The following SEMA3G variants were observed in gnomAD, a reference collection of about 807,000 sequenced individuals.
SEMA3G encodes the protein semaphorin 3G, also known as semaphorin-3G.
A neutral mutation model predicts 86.2 loss-of-function variants in SEMA3G; 70 were observed. The observed-to-expected ratio is 0.81, with a 90% CI of 0.67 to 0.99. The LOEUF (loss-of-function observed/expected upper bound fraction) is 0.99. Ranked by LOEUF, SEMA3G falls within the 50% of genes least tolerant of loss-of-function variation. The probability of loss-of-function intolerance (pLI) is 0.00; values close to 1 mark genes in which losing one functional copy is unlikely to be tolerated. For missense variants in SEMA3G, 1,002 were observed against 1,072.4 expected (o/e 0.93, Z 0.92); for synonymous variants, 416 against 441.4 (o/e 0.94, Z 0.72).
At chr3:52,440,261 G>C in intron 10 of SEMA3G, 116 bp downstream of exon 10, 2 of 1,245,046 alleles carry the variant, frequency 1.6e-6, no homozygotes, top group Admixed American at 5.4e-5. Flanking sequence ...TGGAGCCCAG[G>C]CTTGGCCAAC....
chr3:52,438,118 CT>C lies in SEMA3G; in HGVS notation c.1590del (p.Glu531SerfsTer97), dbSNP rs768402946. Reference protein sequence around the residue: ...HQCETYGTACAECCLARDPYC... With the variant: ...HQCETYGTACXECCLARDPYC... Reference sequence around the variant, plus strand: ...TATGGGTCCCGGGCCAGGCAGCACTCTGCACAGGCAGTGCCGTAAGTCTCAC... The same window carrying C: ...TATGGGTCCCGGGCCAGGCAGCACTCGCACAGGCAGTGCCGTAAGTCTCAC... On this transcript the variant is annotated frameshift_variant, in exon 14 of 16. Transcript: ENST00000231721. LOFTEE classifies it high-confidence loss of function. The C allele has an allele frequency of 6.2e-6, 10 of 1,613,316 alleles. No homozygotes were observed. The highest frequency in any genetic ancestry group is 6.8e-6 in the Non-Finnish European group (8 of 1,180,034).
chr3:52,441,844 G>T lies in SEMA3G; in HGVS notation c.525C>A (p.Ser175Arg), dbSNP rs150290789. The part of the protein sequence containing the change: ...SGRGRCPHEP[S>R]RPFASTFIDG... ...CTATGAAGGTGCTGGCAAAGGGACG[G>T]CTGGGCTCGTGAGGGCACCGCCCCC... Residue 175 changes from serine (S) to arginine (R), a missense_variant, in exon 5 of 16, where the codon AGC becomes AGA. Ser to Arg is a moderately radical substitution (Grantham distance 110, BLOSUM62 -1). Transcript: ENST00000231721. 3.6e-5 allele frequency: 58 copies of T among 1,602,998 alleles called. No homozygotes were observed. The highest frequency in any genetic ancestry group is 4.7e-5 in the Non-Finnish European group (55 of 1,175,068).
At position 52,443,042 on chromosome 3, in the gene SEMA3G, G is replaced by A. The variant is rs575325999; in HGVS notation, c.116-135C>T. ...TCTGGAAAATGTTTCCATCCACATG[G>A]TGCTGGAAGGCTTTCGGACCATGGC... On this transcript the variant is annotated intron_variant, in intron 1 of 15. Transcript: ENST00000231721. The A allele has an allele frequency of 1.5e-4, 234 of 1,537,336 alleles. 4 individuals carry two copies. The South Asian group carries it at 2.7e-3, about 18-fold the overall frequency.
At chr3:52,439,019 C>T (rs1706098202) in intron 12 of SEMA3G, 58 bp from the exon 13 acceptor site, 4 of 1,576,306 alleles carry the variant, frequency 2.5e-6, no homozygotes, top group Non-Finnish European at 3.5e-6. Context: ...GCCCCTGCAC[C>T]CCTGCTTTCA....
intron 12 of SEMA3G, 100 bp from the exon 13 acceptor site, chr3:52,439,061 A>C: frequency 7.6e-7 from 1 of 1,318,674 alleles, no homozygotes; most frequent in Non-Finnish European, 1.1e-6. Context: ...GGAACCACCT[A>C]GCTCCCAGGC....
Position 52,441,692 on chromosome 3 carries a change from T to C in SEMA3G, c.551-2A>G. On this transcript the variant is annotated splice_acceptor_variant, in intron 5 of 15. Transcript: ENST00000231721. LOFTEE classifies it high-confidence loss of function. ...TGAGACCCGTGTACAGCTCCCCGTC[T>C]GGGGTGGGGGTTGGGGAACAGAGTC... 6.2e-7 allele frequency: 1 copy of C among 1,611,962 alleles called. No homozygotes were observed. The highest frequency in any genetic ancestry group is 8.5e-7 in the Non-Finnish European group (1 of 1,178,518).
Position 52,441,354 on chromosome 3 carries a change from G to A in SEMA3G, c.723C>T (p.Asp241=). The change falls in exon 7 of 16, where the codon GAC becomes GAT. Residue 241 remains aspartate (D), a synonymous_variant. Transcript: ENST00000231721. ...RIPENSDQDN[D]KVYFFFSETV... is the part of the protein sequence containing the mutation. ...TCTCCGAGAAGAAGAAGTACACCTT[G>A]TCATTGTCCTGGTCAGAGTTCTCAG... The A allele has an allele frequency of 6.2e-7, 1 of 1,613,960 alleles. No homozygotes were observed. Among genetic ancestry groups the A allele is most frequent in the South Asian group, 1.1e-5 (1 of 91,072 alleles).
chr3:52,442,346 T>G lies in SEMA3G; in HGVS notation c.340-42A>C. On this transcript the variant is annotated intron_variant, in intron 3 of 15. Transcript: ENST00000231721. This position sits in a 1 kb window ranked among gnomAD's most constrained non-coding sequence, Gnocchi z 6.1. ...GGGGTGGTTGAGGGGTGAGAGGGGG[T>G]GCCCACCATCTCCTTGGGGCCCAAG... 2.8e-6 allele frequency: 4 copies of G among 1,431,728 alleles called. No individual in the cohort carries two copies. Among genetic ancestry groups the G allele is most frequent in the Non-Finnish European group, 3.8e-6 (4 of 1,064,482 alleles). The allele number at this position is 1,431,728 out of a possible 1,614,324, so 88.7% of individuals were successfully genotyped here.
Position 52,442,928 on chromosome 3 carries a change from G to A in SEMA3G, c.116-21C>T. The A allele has an allele frequency of 1.3e-6, 2 of 1,572,044 alleles. No homozygotes were observed. Among genetic ancestry groups the A allele is most frequent in the Non-Finnish European group, 1.7e-6 (2 of 1,158,620 alleles). Reference sequence around the variant, plus strand: ...GAGGTCTAGGAGGATGTATGGGGAGGCAGATCAGGGCCACAGCTCAGCCTA... The same window carrying A: ...GAGGTCTAGGAGGATGTATGGGGAGACAGATCAGGGCCACAGCTCAGCCTA... On this transcript the variant is annotated intron_variant, in intron 1 of 15. Transcript: ENST00000231721. The surrounding 1 kb of genome is among the most constrained non-coding windows in gnomAD (Gnocchi z 6.1).
rs758050011 is a variant in SEMA3G at position 52,437,536 on chromosome 3, C to T, written c.1869G>A (p.Gly623=). The T allele has an allele frequency of 1.2e-6, 2 of 1,612,460 alleles. No homozygotes were observed. Among genetic ancestry groups the T allele is most frequent in the Non-Finnish European group, 1.7e-6 (2 of 1,179,594 alleles). The part of the protein sequence containing the change: ...RWLLQRPGDE[G]PDQVKTDERV... The stretch of plus-strand genomic sequence containing the variant: ...GGGTCTCCTCACTCACCTGGTCAGG[C>T]CCCTCATCCCCTGGCCTCTGCAAGA... Residue 623 remains glycine (G), a synonymous_variant, in exon 15 of 16, where the codon GGG becomes GGA. Transcript: ENST00000231721.
Position 52,441,863 on chromosome 3 carries a change from C to T in SEMA3G, c.506G>A (p.Arg169Gln), listed in dbSNP as rs376402670. 276 of 1,593,170 alleles carry T rather than the reference C, an allele frequency of 1.7e-4. 7 individuals are homozygous for T. The South Asian group carries it at 2.7e-3, about 16-fold the overall frequency. The change falls in exon 5 of 16, where the codon CGG (arginine) becomes CAG (glutamine). Residue 169 changes from arginine (R) to glutamine (Q), a missense_variant. Transcript: ENST00000231721. ...EPGSVESGRGRCPHEPSRPFA... is the reference protein window; with the variant it reads ...EPGSVESGRGQCPHEPSRPFA... Reference sequence around the variant, plus strand: ...GGGACGGCTGGGCTCGTGAGGGCACCGCCCCCGGCCACTTTCCACACTGCC... The same window carrying T: ...GGGACGGCTGGGCTCGTGAGGGCACTGCCCCCGGCCACTTTCCACACTGCC...
chr3:52,435,389 C>A lies in SEMA3G; in HGVS notation c.*214G>T. ...GCCAGCAGCCAGAGGGTGCTGGCTCCAGCTGGGTCTAAGAGCACAGAGAAG... is the reference window on the plus strand; with the variant it reads ...GCCAGCAGCCAGAGGGTGCTGGCTCAAGCTGGGTCTAAGAGCACAGAGAAG... On this transcript the variant is annotated 3_prime_UTR_variant, in exon 16 of 16. Coordinates refer to ENST00000231721, the MANE Select transcript of SEMA3G (RefSeq NM_020163.3). The A allele has an allele frequency of 1.7e-6, 1 of 579,438 alleles. No homozygotes were observed. The highest frequency in any genetic ancestry group is 3.1e-6 in the Non-Finnish European group (1 of 327,194). The allele number at this position is 579,438 out of a possible 1,614,324, so 35.9% of individuals were successfully genotyped here.
chr3:52,442,430 G>T lies in SEMA3G; in HGVS notation c.340-126C>A. The T allele has an allele frequency of 7.9e-7, 1 of 1,267,130 alleles. No homozygotes were observed. Among genetic ancestry groups the T allele is most frequent in the Non-Finnish European group, 1.1e-6 (1 of 878,446 alleles). 78.5% of individuals were successfully genotyped at this position (1,267,130 alleles called of 1,614,324 possible). ...GGGGGTGGGTGTGACATTCCCAGCA[G>T]ACCTTCAAAAGCCCTCAAGATCTGC... On this transcript the variant is annotated intron_variant, in intron 3 of 15. Coordinates refer to ENST00000231721, the MANE Select transcript of SEMA3G (RefSeq NM_020163.3). The surrounding 1 kb of genome is among the most constrained non-coding windows in gnomAD (Gnocchi z 6.1).
chr3:52,443,841 C>G (rs1481625266), intron 1 of SEMA3G, among the ~76,000 whole-genome samples: 2 of 152,212 alleles, frequency 1.3e-5, no homozygotes, highest in East Asian at 3.8e-4. Flanking sequence ...GCCATCTCCC[C>G]CAGCAGACTG....
In SEMA3G at chr3:52,438,934, T is replaced by A; in HGVS notation, c.1495A>T (p.Ile499Phe). Residue 499 changes from isoleucine (I) to phenylalanine (F), a missense_variant, in exon 13 of 16, where the codon ATC (isoleucine) becomes TTC (phenylalanine). Coordinates refer to ENST00000231721, the MANE Select transcript of SEMA3G (RefSeq NM_020163.3). ...GCTGTTCTTACCCTTTTGACAGAGA[T>A]CTCCATTTCGGTGATAGGTGTTGGC... ...KVPTPITEME[I>F]SVKRQMLYVG... The A allele has an allele frequency of 6.2e-7, 1 of 1,613,202 alleles. No homozygotes were observed. Among genetic ancestry groups the A allele is most frequent in the Non-Finnish European group, 8.5e-7 (1 of 1,179,548 alleles).
At position 52,437,661 on chromosome 3, in the gene SEMA3G, C is replaced by T. The variant is rs1270032994; in HGVS notation, c.1744G>A (p.Ala582Thr). 2 of 1,610,886 alleles carry T rather than the reference C, an allele frequency of 1.2e-6. No homozygotes were observed. The highest frequency in any genetic ancestry group is 1.7e-6 in the Non-Finnish European group (2 of 1,178,274). Residue 582 changes from alanine to threonine, a missense_variant, in exon 15 of 16, where the codon GCA (alanine) becomes ACA (threonine). Transcript: ENST00000231721. ...ATGGTGGCTGCCACAAGTCCCACTG[C>T]CTCTTCTGGAGAGAGGCAGAGGTTG... ...QCLGQSQEEE[A>T]VGLVAATMVY... is the part of the protein sequence containing the mutation.
chr3:52,443,717 C>A lies in SEMA3G; in HGVS notation c.116-810G>T, dbSNP rs557884805. 6.6e-5 allele frequency among the ~76,000 whole-genome samples: 10 copies of A among 152,332 alleles called. No individual in the cohort carries two copies. In the South Asian group the frequency reaches 2.1e-3, roughly 32 times the overall value. On this transcript the variant is annotated intron_variant, in intron 1 of 15. Transcript: ENST00000231721. Reference sequence around the variant, plus strand: ...CTTCCGGGAAGCCCTCCATGGATGACAGTACCTTGGGGAACTTTCCCTATT... The same window carrying A: ...CTTCCGGGAAGCCCTCCATGGATGAAAGTACCTTGGGGAACTTTCCCTATT...
Position 52,441,392 on chromosome 3 carries a change from C to A in SEMA3G, c.685G>T (p.Ala229Ser). The A allele has an allele frequency of 6.2e-7, 1 of 1,613,600 alleles. No individual in the cohort carries two copies. Among genetic ancestry groups the A allele is most frequent in the South Asian group, 1.1e-5 (1 of 91,060 alleles). Residue 229 changes from alanine (A) to serine (S), a missense_variant, in exon 7 of 16, where the codon GCC (alanine) becomes TCC (serine). Ala to Ser is a moderately conservative substitution (Grantham distance 99). Transcript: ENST00000231721. ...TCAGAGTTCTCAGGGATCCGGGCGG[C>A]CATCACAAACCGGGGGTCTGGAAGG... ...SLLHDPRFVM[A>S]ARIPENSDQD...
intron 1 of SEMA3G, among the ~76,000 whole-genome samples, chr3:52,443,323 G>A (rs1186183424): frequency 2.0e-5 from 3 of 152,210 alleles, no homozygotes; most frequent in Non-Finnish European, 4.4e-5. Flanking sequence ...TGGGCCAGCA[G>A]GCGAAACTGT....
Sources: gnomAD v4.1 joint callset for allele counts (sites outside exome capture counted in the v4.1 genomes callset) on GRCh38, gnomAD v4.1.1 for gene constraint, Gnocchi (gnomAD v3.1) non-coding constraint, MANE v1.5 for transcripts, NCBI Gene and HGNC (gene_info 2026-07-23, HGNC 2026-07-21) for gene names.